NEK1: variants seen among roughly 807,000 people sequenced by gnomAD.
NEK1 encodes the protein NIMA related kinase 1.
NEK1 carries 137 observed loss-of-function variants against 182.1 expected under a neutral mutation model. That is an observed-to-expected ratio of 0.75 (90% CI 0.65 to 0.87). The LOEUF is 0.87. Among genes scored for constraint, NEK1 ranks in the 40% least tolerant of loss-of-function variants. The probability of loss-of-function intolerance (pLI) is 0.00; values close to 1 mark genes in which losing one functional copy is unlikely to be tolerated. For synonymous variants in NEK1, 513 were observed against 492.2 expected (o/e 1.04, Z -0.56); for missense variants, 1,391 against 1,494.4 (o/e 0.93, Z 1.14).
intron 23 of NEK1, among the ~76,000 whole-genome samples, chr4:169,491,217 T>C (rs1750034138): frequency 6.7e-6 from 1 of 149,646 alleles, no homozygotes; most frequent in African/African-American, 2.5e-5. Context: ...TGCTGAACAC[T>C]TCCCAAGTCT....
At chr4:169,447,619 C>T (rs1740817111) in intron 27 of NEK1, among the ~76,000 whole-genome samples, 1 of 152,080 alleles carries the variant, frequency 6.6e-6, no homozygotes, top group South Asian at 2.1e-4. Flanking sequence ...GTAATCCCAG[C>T]ATTTTGGGAG....
intron 27 of NEK1, among the ~76,000 whole-genome samples, chr4:169,439,062 A>G (rs755038972): frequency 6.6e-6 from 1 of 152,202 alleles, no homozygotes; most frequent in Non-Finnish European, 1.5e-5. Context: ...ATTCTGCTAC[A>G]TTTTCTGTCA....
intron 23 of NEK1, among the ~76,000 whole-genome samples, chr4:169,488,349 T>C (rs1194468095): frequency 1.3e-5 from 2 of 152,224 alleles, no homozygotes; most frequent in East Asian, 1.9e-4. Context: ...AACTTTTGTA[T>C]AAAGTTTAAG....
At chr4:169,560,384 T>C (rs910611486) in intron 16 of NEK1, among the ~76,000 whole-genome samples, 1 of 152,238 alleles carries the variant, frequency 6.6e-6, no homozygotes, top group South Asian at 2.1e-4. Context: ...GCCACATGAA[T>C]GTTTACTATC....
chr4:169,574,213 G>C (rs1035172249), intron 12 of NEK1, among the ~76,000 whole-genome samples: 3 of 152,162 alleles, frequency 2.0e-5, no homozygotes, highest in African/African-American at 7.2e-5. Context: ...ATGTTCTATA[G>C]GAAGTATCAT....
intron 32 of NEK1, among the ~76,000 whole-genome samples, chr4:169,406,047 A>G (rs533460760): frequency 7.9e-4 from 120 of 151,490 alleles, no homozygotes; most frequent in African/African-American, 2.8e-3. Flanking sequence ...CCGTGAGCCA[A>G]GATCATGCCA....
chr4:169,534,681 G>A (rs1477410861), intron 19 of NEK1, among the ~76,000 whole-genome samples: 1 of 146,658 alleles, frequency 6.8e-6, no homozygotes, highest in East Asian at 2.0e-4. Context: ...TAGCACTGAA[G>A]ACTGTTCTGT....
chr4:169,538,883 C>G (rs927740879), intron 18 of NEK1, among the ~76,000 whole-genome samples: 1 of 152,092 alleles, frequency 6.6e-6, no homozygotes, highest in Admixed American at 6.6e-5. Context: ...ATAACTGCTT[C>G]TTTTACATTC....
chr4:169,524,593 T>C (rs1756618444), intron 19 of NEK1, among the ~76,000 whole-genome samples: 1 of 150,300 alleles, frequency 6.7e-6, no homozygotes, highest in South Asian at 2.1e-4. Flanking sequence ...GAAAAAAGAG[T>C]ATTTTAAGAA....
chr4:169,522,964 T>C (rs1275437119), intron 19 of NEK1, among the ~76,000 whole-genome samples: 1 of 152,206 alleles, frequency 6.6e-6, no homozygotes, highest in Non-Finnish European at 1.5e-5. Context: ...CAGAGAACCC[T>C]GGTGTTATTT....
At chr4:169,521,819 A>T (rs1158908397) in intron 19 of NEK1, among the ~76,000 whole-genome samples, 1 of 152,154 alleles carries the variant, frequency 6.6e-6, no homozygotes, top group African/African-American at 2.4e-5. Flanking sequence ...GTGTACTTTC[A>T]TATGGAATGT....
rs185729220 is a variant in NEK1, at chr4:169,547,359, C to G, written c.1562+8361G>C. On this transcript the variant is annotated intron_variant, in intron 18 of 35. Transcript: ENST00000507142. ...AGAGATCTGCTGTTAGTCCGATGGGCTTCCCTTTACCGGTAACCTGACCTT... is the reference window on the plus strand; with the variant it reads ...AGAGATCTGCTGTTAGTCCGATGGGGTTCCCTTTACCGGTAACCTGACCTT... Among the ~76,000 whole-genome samples, 573 of 152,292 alleles carry G rather than the reference C, an allele frequency of 3.8e-3. 6 individuals are homozygous for G. Among genetic ancestry groups the G allele is most frequent in the Middle Eastern group, 0.01 (3 of 294 alleles).
At chr4:169,548,261 C>A (rs934959294) in intron 18 of NEK1, among the ~76,000 whole-genome samples, 1 of 152,198 alleles carries the variant, frequency 6.6e-6, no homozygotes, top group Non-Finnish European at 1.5e-5. Context: ...GAGGTCCACT[C>A]CAGACTGTGT....
intron 31 of NEK1, among the ~76,000 whole-genome samples, chr4:169,407,032 T>C (rs1732763278): frequency 6.6e-6 from 1 of 152,032 alleles, no homozygotes; most frequent in Non-Finnish European, 1.5e-5. Flanking sequence ...TATGTTTGGG[T>C]TTTAGCACAG....
intron 31 of NEK1, among the ~76,000 whole-genome samples, chr4:169,413,678 C>T (rs988434606): frequency 6.6e-6 from 1 of 152,194 alleles, no homozygotes; most frequent in African/African-American, 2.4e-5. Flanking sequence ...CCACCATGTA[C>T]TTCACCTCTC....
intron 31 of NEK1, among the ~76,000 whole-genome samples, chr4:169,413,909 T>C (rs979445627): frequency 2.0e-5 from 3 of 152,132 alleles, no homozygotes; most frequent in Non-Finnish European, 4.4e-5. Context: ...CCCAGCTGCT[T>C]GGGAGGCTGA....
At chr4:169,572,630 C>T (rs1765054083) in intron 12 of NEK1, among the ~76,000 whole-genome samples, 2 of 152,094 alleles carry the variant, frequency 1.3e-5, no homozygotes, top group South Asian at 4.1e-4. Context: ...AGCACCTCAG[C>T]ATTTAAAAGC....
chr4:169,570,059 C>G (rs553802362), intron 12 of NEK1, among the ~76,000 whole-genome samples: 6 of 151,528 alleles, frequency 4.0e-5, no homozygotes, highest in African/African-American at 1.5e-4. Context: ...GCGCCTCTTC[C>G]CGGCCGCCAT....
intron 16 of NEK1, among the ~76,000 whole-genome samples, chr4:169,557,301 G>A (rs907589943): frequency 1.3e-5 from 2 of 151,964 alleles, no homozygotes; most frequent in African/African-American, 2.4e-5. Flanking sequence ...CTCAACCACC[G>A]AGACATAAGA....
Sources: allele counts gnomAD v4.1 joint callset (sites outside exome capture counted in the v4.1 genomes callset), GRCh38; gene constraint gnomAD v4.1.1; transcripts MANE v1.5; gene names NCBI Gene and HGNC (gene_info 2026-07-23, HGNC 2026-07-21).